The following RYK variants were observed in gnomAD, a reference collection of about 807,000 sequenced individuals.
RYK encodes receptor like tyrosine kinase, also known as inactive tyrosine-protein kinase RYK.
In RYK, 21 loss-of-function variants were observed where a neutral mutation model predicts 70.2. The observed-to-expected ratio is 0.30, with a 90% CI of 0.21 to 0.43. The LOEUF is 0.43. RYK is among the 20% of genes least tolerant of loss of function. The pLI is 1.00. For missense variants in RYK, 604 were observed against 753.3 expected (o/e 0.80, Z 2.32); for synonymous variants, 267 against 278.0 (o/e 0.96, Z 0.39).
intron 7 of RYK, among the ~76,000 whole-genome samples, chr3:134,193,917 G>C (rs939748689): frequency 2.6e-5 from 4 of 152,144 alleles, no homozygotes; most frequent in Non-Finnish European, 1.5e-5. Context: ...GGACAGAAAA[G>C]AATGCTCCAT....
At chr3:134,246,447 G>GA (rs1266241580) in intron 1 of RYK, among the ~76,000 whole-genome samples, 2 of 141,850 alleles carry the variant, frequency 1.4e-5, no homozygotes, top group Non-Finnish European at 1.5e-5. Flanking sequence ...GGTAATACAA[G>GA]AAAGAAAAGG....
At chr3:134,179,626 C>T (rs549153653) in intron 10 of RYK, 2 of 152,330 alleles carry the variant, frequency 1.3e-5, no homozygotes, top group Non-Finnish European at 2.9e-5. Context: ...TTCCCCTGGA[C>T]CACTAGACTT....
intron 1 of RYK, among the ~76,000 whole-genome samples, chr3:134,246,935 T>C (rs999720230): frequency 6.6e-6 from 1 of 151,880 alleles, no homozygotes; most frequent in African/African-American, 2.4e-5. Context: ...CCAAGAAGTC[T>C]CTAAGAGGAA....
rs114307944 is a variant in RYK at position 134,224,515 on chromosome 3, T to C, written c.233-1976A>G. On this transcript the variant is annotated intron_variant, in intron 1 of 14. Transcript: ENST00000623711. ...AAGCATAGCATCGCAGGGAGACGTTTAGGCCTCCAGATGGCTGCGGGCGGG... is the reference window on the plus strand; with the variant it reads ...AAGCATAGCATCGCAGGGAGACGTTCAGGCCTCCAGATGGCTGCGGGCGGG... Among the ~76,000 whole-genome samples the C allele has an allele frequency of 3.0e-3, 454 of 152,344 alleles. 3 individuals are homozygous for C. The highest frequency in any genetic ancestry group is 9.9e-3 in the African/African-American group (412 of 41,582).
rs1243480078 is a variant in RYK at position 134,207,460 on chromosome 3, A to C, written c.643+12T>G. On this transcript the variant is annotated intron_variant, in intron 5 of 14. Coordinates refer to ENST00000623711, the MANE Select transcript of RYK (RefSeq NM_002958.4). ...TTCTAATAATGGATAAAGATAATAC[A>C]GTAACACTTACAAATAGTTCTGCTA... 4 of 1,510,416 alleles carry C rather than the reference A, an allele frequency of 2.6e-6. No individual in the cohort carries two copies. Among genetic ancestry groups the C allele is most frequent in the Non-Finnish European group, 2.7e-6 (3 of 1,117,336 alleles). 93.6% of individuals were successfully genotyped at this position (1,510,416 alleles called of 1,614,324 possible).
chr3:134,169,579 G>A (rs1368406866), intron 13 of RYK, among the ~76,000 whole-genome samples: 2 of 152,106 alleles, frequency 1.3e-5, no homozygotes, highest in African/African-American at 4.8e-5. Context: ...AAAAGTTGAC[G>A]TTAACAGAAG....
chr3:134,231,307 G>A (rs751829285), intron 1 of RYK, among the ~76,000 whole-genome samples: 1 of 151,978 alleles, frequency 6.6e-6, no homozygotes, highest in African/African-American at 2.4e-5. Context: ...TCAAGGAGAC[G>A]GGTGGATATA....
Position 134,222,452 on chromosome 3 carries a change from T to C in RYK, c.320A>G (p.Asn107Ser), listed in dbSNP as rs2107685466. 1.2e-6 allele frequency: 2 copies of C among 1,613,464 alleles called. No individual in the cohort carries two copies. Among genetic ancestry groups the C allele is most frequent in the African/African-American group, 2.7e-5 (2 of 74,984 alleles). ...SFSLLVPSET[N>S]FLHFTWHAKS... ...CGCATGCCAGGTGAAGTGCAGGAAA[T>C]TTGTCTCACTGGGTACTAACAGACT... Residue 107 changes from asparagine (N) to serine (S), a missense_variant, in exon 2 of 15, where the codon AAT (asparagine) becomes AGT (serine). By Grantham distance (46) the Asn-to-Ser change is conservative. Coordinates refer to ENST00000623711, the MANE Select transcript of RYK (RefSeq NM_002958.4).
rs77779633 is a variant in RYK, at chr3:134,168,790, T to G, written c.1575+6819A>C. 6.9e-3 allele frequency among the ~76,000 whole-genome samples: 1,045 copies of G among 151,946 alleles called. 16 individuals are homozygous for G. In the East Asian group the frequency reaches 0.084, roughly 12 times the overall value. On this transcript the variant is annotated intron_variant, in intron 13 of 14. Coordinates refer to ENST00000623711, the MANE Select transcript of RYK (RefSeq NM_002958.4). ...ATAATAAAAAATAAAATAATAATAA[T>G]AAGAAGAAGCATCCTCCGTAACTCT...
At chr3:134,169,122 G>T (rs958368392) in intron 13 of RYK, among the ~76,000 whole-genome samples, 16 of 152,142 alleles carry the variant, frequency 1.1e-4, no homozygotes, top group Admixed American at 6.5e-4. Flanking sequence ...ACTTTTAAAA[G>T]GATCTCTTCA....
At chr3:134,168,480 A>G (rs1442174942) in intron 13 of RYK, among the ~76,000 whole-genome samples, 1 of 152,212 alleles carries the variant, frequency 6.6e-6, no homozygotes, top group Non-Finnish European at 1.5e-5. Context: ...AGGGACATGG[A>G]CGAAACTAGA....
intron 1 of RYK, among the ~76,000 whole-genome samples, chr3:134,237,782 A>G (rs1395783417): frequency 6.6e-6 from 1 of 152,200 alleles, no homozygotes; most frequent in Non-Finnish European, 1.5e-5. Context: ...GATATCATCC[A>G]TGGTTTCCTA....
chr3:134,185,322 T>C (rs2013426814), intron 9 of RYK, among the ~76,000 whole-genome samples: 1 of 152,222 alleles, frequency 6.6e-6, no homozygotes, highest in Non-Finnish European at 1.5e-5. Context: ...GGTCTTTAAA[T>C]GTGGAACTGT....
chr3:134,227,883 C>T lies in RYK; in HGVS notation c.233-5344G>A, dbSNP rs369459191. Among the ~76,000 whole-genome samples the T allele has an allele frequency of 1.2e-4, 18 of 152,296 alleles. 1 individual carries two copies. Among genetic ancestry groups the T allele is most frequent in the East Asian group, 1.2e-3 (6 of 5,172 alleles). On this transcript the variant is annotated intron_variant, in intron 1 of 14. Coordinates refer to ENST00000623711, the MANE Select transcript of RYK (RefSeq NM_002958.4). Reference sequence around the variant, plus strand: ...AGAGACAGGGTTTCACCATGTTAGCCAGGATAGTCTCGATCTCCTGACCTC... The same window carrying T: ...AGAGACAGGGTTTCACCATGTTAGCTAGGATAGTCTCGATCTCCTGACCTC...
chr3:134,193,108 A>AGT (rs2013697314), intron 7 of RYK, among the ~76,000 whole-genome samples: 1 of 152,086 alleles, frequency 6.6e-6, no homozygotes, highest in Non-Finnish European at 1.5e-5. Flanking sequence ...TCCTTACGGT[A>AGT]ATGGCCATGA....
At chr3:134,191,227 T>C (rs1213301915) in intron 8 of RYK, among the ~76,000 whole-genome samples, 4 of 152,154 alleles carry the variant, frequency 2.6e-5, no homozygotes, top group Non-Finnish European at 5.9e-5. Flanking sequence ...TACCCTCCAA[T>C]TCAAAAAGGA....
intron 3 of RYK, among the ~76,000 whole-genome samples, chr3:134,210,614 T>C (rs2014359666): frequency 1.3e-5 from 2 of 152,228 alleles, no homozygotes; most frequent in Admixed American, 6.5e-5. Flanking sequence ...TTGTGGCTGA[T>C]ACTTTCAATT....
intron 5 of RYK, among the ~76,000 whole-genome samples, 160 bp downstream of exon 5, chr3:134,207,312 C>T (rs1333936096): frequency 6.6e-6 from 1 of 152,198 alleles, no homozygotes; most frequent in Non-Finnish European, 1.5e-5. Flanking sequence ...CTAACAGTTT[C>T]ATGACCTATC....
intron 13 of RYK, among the ~76,000 whole-genome samples, chr3:134,173,593 C>A (rs1403067221): frequency 6.6e-6 from 1 of 152,118 alleles, no homozygotes; most frequent in Admixed American, 6.5e-5. Flanking sequence ...CTGATAAAAG[C>A]ATCAGATCTC....
Sources: allele counts gnomAD v4.1 joint callset (sites outside exome capture counted in the v4.1 genomes callset), GRCh38; gene constraint gnomAD v4.1.1; transcripts MANE v1.5; gene names NCBI Gene and HGNC (gene_info 2026-07-23, HGNC 2026-07-21).